The following DAPK2 variants were observed in gnomAD, a reference collection of about 807,000 sequenced individuals.
The protein encoded by DAPK2 is death associated protein kinase 2, also known as death-associated protein kinase 2.
Under a neutral mutation model 44.1 loss-of-function variants are expected in DAPK2, and 35 were observed. The ratio of observed to expected loss-of-function variants is 0.79; its 90% CI spans 0.61 to 1.05. DAPK2 has a LOEUF of 1.05. Among genes scored for constraint, DAPK2 ranks in the 50% least tolerant of loss-of-function variants. The pLI, the probability that DAPK2 is intolerant of heterozygous loss-of-function variation, is 0.00. For missense variants in DAPK2, 453 were observed against 483.2 expected, an observed-to-expected ratio of 0.94 and a Z score of 0.59; for synonymous variants, 174 against 182.6, an observed-to-expected ratio of 0.95 and a Z score of 0.38.
chr15:63,969,452 A>G (rs1218748806), intron 3 of DAPK2, among the ~76,000 whole-genome samples: 3 of 146,372 alleles, frequency 2.0e-5, no homozygotes, highest in Non-Finnish European at 4.5e-5. Flanking sequence ...CAAACTGACA[A>G]TCATGGCCAG....
intron 3 of DAPK2, among the ~76,000 whole-genome samples, chr15:63,963,108 C>T (rs2077957927): frequency 6.6e-6 from 1 of 152,154 alleles, no homozygotes; most frequent in South Asian, 2.1e-4. Context: ...GACTGCTGTG[C>T]TAGCAGTGAG....
chr15:63,950,866 A>G (rs2077567771), intron 3 of DAPK2, among the ~76,000 whole-genome samples: 2 of 152,260 alleles, frequency 1.3e-5, no homozygotes, highest in Non-Finnish European at 2.9e-5. Context: ...ATGTAAACAC[A>G]TCATGTTCTA....
At chr15:63,983,905 C>T (rs2078601107) in intron 1 of DAPK2, 151 bp from the exon 3 acceptor site, 1 of 725,634 alleles carries the variant, frequency 1.4e-6, no homozygotes, top group East Asian at 2.7e-5. Context: ...CTGATGACAA[C>T]CTGTGGATGA....
chr15:63,952,720 G>A (rs2077624745), intron 3 of DAPK2, among the ~76,000 whole-genome samples: 2 of 151,652 alleles, frequency 1.3e-5, no homozygotes, highest in Non-Finnish European at 2.9e-5. Flanking sequence ...GAGATATTTT[G>A]ATACAGGCAT....
intron 3 of DAPK2, among the ~76,000 whole-genome samples, chr15:63,950,341 G>A (rs2077554007): frequency 6.6e-6 from 1 of 151,836 alleles, no homozygotes; most frequent in South Asian, 2.1e-4. Flanking sequence ...TCAGCCTCTT[G>A]AATAGCTGGG....
At chr15:63,929,476 G>T in intron 6 of DAPK2, 75 bp downstream of exon 7, 1 of 1,582,316 alleles carries the variant, frequency 6.3e-7, no homozygotes, top group Non-Finnish European at 8.7e-7. Flanking sequence ...CAGTCTATCA[G>T]CCTGCCCCTC....
At chr15:64,037,834 TA>T (rs2080250554) in intron 1 of DAPK2, among the ~76,000 whole-genome samples, 1 of 152,176 alleles carries the variant, frequency 6.6e-6, no homozygotes, top group Admixed American at 6.5e-5. Flanking sequence ...CCACAAATCC[TA>T]GGACATCTGA....
intron 1 of DAPK2, among the ~76,000 whole-genome samples, chr15:64,003,852 G>C (rs1458651004): frequency 2.0e-5 from 3 of 152,180 alleles, no homozygotes; most frequent in Non-Finnish European, 4.4e-5. Flanking sequence ...GTGTCTGCCT[G>C]CCTCAGCCTC....
chr15:64,033,236 A>T (rs2080068159), intron 1 of DAPK2, among the ~76,000 whole-genome samples: 1 of 130,384 alleles, frequency 7.7e-6, no homozygotes. Flanking sequence ...CTCCAGCCTG[A>T]GTAACAGAGA....
intron 1 of DAPK2, among the ~76,000 whole-genome samples, chr15:63,994,621 CCTCT>C (rs2078904834): frequency 6.8e-6 from 1 of 146,896 alleles, no homozygotes; most frequent in Non-Finnish European, 1.5e-5. Flanking sequence ...ACGTAGTCTC[CCTCT>C]GTCGCCCAGG....
At chr15:64,043,424 A>G (rs2080391478), upstream of DAPK2, among the ~76,000 whole-genome samples, 1 of 152,264 alleles carries the variant, frequency 6.6e-6, no homozygotes, top group South Asian at 2.1e-4. Flanking sequence ...ATCATTATAC[A>G]GCAATAAGAA....
At position 64,002,974 on chromosome 15, in the gene DAPK2, CTGTGTGTG is replaced by C. The variant is rs58879927; in HGVS notation, c.93-19228_93-19221del. Among the ~76,000 whole-genome samples the C allele has an allele frequency of 4.9e-3, 254 of 51,638 alleles. 1 individual carries two copies. Among genetic ancestry groups the C allele is most frequent in the African/African-American group, 0.012 (230 of 19,300 alleles). 33.9% of individuals were successfully genotyped at this position (51,638 alleles called of 152,430 possible). ...TGTGTGTGTGTGTGTGTCGTGGGAC[CTGTGTGTG>C]TGTGTGTGTGTGTGTGTGTGTGTGT... On this transcript the variant is annotated intron_variant, in intron 1 of 10. Coordinates refer to ENST00000261891, the Ensembl canonical transcript of DAPK2.
chr15:63,987,659 C>T (rs1412054826), intron 1 of DAPK2, among the ~76,000 whole-genome samples: 9 of 152,148 alleles, frequency 5.9e-5, no homozygotes. Flanking sequence ...GTTTCTCCAT[C>T]TGCCATCCCA....
intron 1 of DAPK2, among the ~76,000 whole-genome samples, chr15:64,037,051 A>G (rs557005904): frequency 2.0e-5 from 3 of 152,300 alleles, no homozygotes; most frequent in Admixed American, 2.0e-4. Flanking sequence ...TCTTACAGGT[A>G]AAAAAGCTGA....
intron 2 of DAPK2, among the ~76,000 whole-genome samples, chr15:63,977,612 G>A (rs185215718): frequency 4.6e-5 from 7 of 152,170 alleles, no homozygotes; most frequent in Non-Finnish European, 7.3e-5. Flanking sequence ...CATAAACACC[G>A]TACATGGTGT....
intron 1 of DAPK2, among the ~76,000 whole-genome samples, chr15:64,009,075 C>T (rs1333185027): frequency 6.6e-6 from 1 of 152,166 alleles, no homozygotes; most frequent in Non-Finnish European, 1.5e-5. Context: ...TTTTCACCTC[C>T]TGTGCATACC....
At chr15:63,995,376 A>G (rs2078926133) in intron 1 of DAPK2, among the ~76,000 whole-genome samples, 1 of 152,142 alleles carries the variant, frequency 6.6e-6, no homozygotes. Flanking sequence ...ACCTTTTGTC[A>G]AATATGTTGA....
chr15:63,920,033 T>A (rs1302572084), intron 8 of DAPK2: 1 of 152,206 alleles, frequency 6.6e-6, no homozygotes, highest in Non-Finnish European at 1.5e-5. Context: ...GAAATGGAGC[T>A]TTTGCCATCT....
At chr15:63,958,835 G>A (rs947331396) in intron 3 of DAPK2, among the ~76,000 whole-genome samples, 2 of 152,152 alleles carry the variant, frequency 1.3e-5, no homozygotes, top group African/African-American at 2.4e-5. Context: ...TTGACAATGT[G>A]GGGTCTTTTT....
Sources: allele counts gnomAD v4.1 joint callset (sites outside exome capture counted in the v4.1 genomes callset), GRCh38; gene constraint gnomAD v4.1.1; transcripts MANE v1.5; gene names NCBI Gene and HGNC (gene_info 2026-07-23, HGNC 2026-07-21).